The following TAB3 variants were observed in gnomAD, a reference collection of about 807,000 sequenced individuals.
TAB3 encodes the protein TGF-beta activated kinase 1 (MAP3K7) binding protein 3.
TAB3 carries 18 observed loss-of-function variants against 48.1 expected under a neutral mutation model. The ratio of observed to expected loss-of-function variants is 0.37; its 90% CI spans 0.26 to 0.55. The LOEUF (loss-of-function observed/expected upper bound fraction) is 0.55. TAB3 is among the 20% of genes least tolerant of loss of function. The probability of loss-of-function intolerance (pLI) is 0.78; values close to 1 mark genes in which losing one functional copy is unlikely to be tolerated. For synonymous variants in TAB3, 185 were observed against 190.2 expected (o/e 0.97, Z 0.22); for missense variants, 414 against 549.8 (o/e 0.75, Z 2.47).
chrX:30,863,741 C>A (rs1569218381), intron 4 of TAB3, among the ~76,000 whole-genome samples: 4 of 112,208 alleles, frequency 3.6e-5, no homozygotes, highest in African/African-American at 1.3e-4. Flanking sequence ...AATTAAACCT[C>A]TTTTCTTTAT....
chrX:30,852,708 A>T (rs1320760952), intron 7 of TAB3, 70 bp downstream of exon 7: 1 of 1,054,053 alleles, frequency 9.5e-7, no homozygotes, highest in East Asian at 3.1e-5. Context: ...AATAAAGCCT[A>T]AAGAAAAATA....
At chrX:30,848,105 A>G (rs1452383990) in intron 7 of TAB3, among the ~76,000 whole-genome samples, 1 of 112,321 alleles carries the variant, frequency 8.9e-6, no homozygotes, top group Non-Finnish European at 1.9e-5. Context: ...CTGTCGGGAA[A>G]GTCAAGCACC....
chrX:30,831,665 A>C (rs1036948275), intron 10 of TAB3, 90 bp from the exon 11 acceptor site: 2 of 1,017,370 alleles, frequency 2.0e-6, no homozygotes, highest in African/African-American at 3.8e-5. Flanking sequence ...AAAATACCAC[A>C]AAAATCAAGG....
At chrX:30,882,724 C>T (rs780385797) in intron 1 of TAB3, among the ~76,000 whole-genome samples, 2 of 112,012 alleles carry the variant, frequency 1.8e-5, no homozygotes, top group African/African-American at 3.2e-5. Flanking sequence ...GACTTAACAA[C>T]TCAGTGCAAC....
chrX:30,841,710 CTA>C (rs962257552), intron 9 of TAB3, among the ~76,000 whole-genome samples: 3 of 111,731 alleles, frequency 2.7e-5, no homozygotes, highest in Admixed American at 9.5e-5. Context: ...CTCCACTGTT[CTA>C]TGTGTCTTCA....
At chrX:30,878,501 CA>C (rs548109087) in intron 1 of TAB3, among the ~76,000 whole-genome samples, 117 of 51,678 alleles carry the variant, frequency 2.3e-3, no homozygotes, top group African/African-American at 6.2e-3. Context: ...GACTCCATCT[CA>C]AAAAAAAAAA....
intron 4 of TAB3, among the ~76,000 whole-genome samples, chrX:30,863,275 CAAACTT>C (rs1166537101): frequency 8.9e-6 from 1 of 112,413 alleles, no homozygotes; most frequent in Non-Finnish European, 1.9e-5. Context: ...ATAACACTCT[CAAACTT>C]AATTTTTTGA....
intron 9 of TAB3, among the ~76,000 whole-genome samples, chrX:30,837,115 C>T (rs1305005238): frequency 4.3e-5 from 4 of 93,601 alleles, no homozygotes; most frequent in Non-Finnish European, 8.2e-5. Flanking sequence ...GTGGTGCGAT[C>T]TCGGCTCACT....
Position 30,861,849 on chromosome X carries a change from T to A in TAB3, c.-90-2171A>T, listed in dbSNP as rs1176139861. On this transcript the variant is annotated intron_variant, in intron 4 of 10. Coordinates refer to ENST00000288422, the MANE Select transcript of TAB3 (RefSeq NM_152787.5). ...GTCAAAAGTATTGTTTTAAATGTAA[T>A]CTACATAAAATCAGTTATTTTATAT... 2.7e-5 allele frequency among the ~76,000 whole-genome samples: 3 copies of A among 112,566 alleles called. No homozygotes were observed. The East Asian group carries it at 8.3e-4, about 31-fold the overall frequency.
rs1937978814 is a variant in TAB3 at position 30,829,971 on chromosome X, C to G, written c.*1456G>C. The G allele has an allele frequency of 9.1e-6, 1 of 110,453 alleles. No individual in the cohort carries two copies. Among genetic ancestry groups the G allele is most frequent in the Admixed American group, 9.7e-5 (1 of 10,313 alleles). The allele number at this position is 110,453 out of a possible 1,213,427, so 9.1% of individuals were successfully genotyped here. ...TAACTTTATTGCTGTTTATACTCAC[C>G]AAAATGAGGGGAAGATTCCAAAACT... On this transcript the variant is annotated 3_prime_UTR_variant, in exon 11 of 11. Transcript: ENST00000288422.
At position 30,849,817 on chromosome X, in the gene TAB3, C is replaced by T. The variant is rs185293665; in HGVS notation, c.1710+2961G>A. Among the ~76,000 whole-genome samples, 21 of 111,994 alleles carry T rather than the reference C, an allele frequency of 1.9e-4. No homozygotes were observed. The Admixed American group carries it at 2.0e-3, about 11-fold the overall frequency. ...GATTTATTTCTTGATTAATTTCCTA[C>T]ATAAGTATAATCTTATATATGTTCA... On this transcript the variant is annotated intron_variant, in intron 7 of 10. Transcript: ENST00000288422.
intron 8 of TAB3, chrX:30,846,194 G>C (rs1938616832): frequency 3.7e-6 from 2 of 535,710 alleles, no homozygotes; most frequent in South Asian, 4.4e-5. Flanking sequence ...TCTGATTTGG[G>C]ATCCCTTTTT....
Position 30,881,359 on chromosome X carries a change from T to G in TAB3, c.-383+7755A>C, listed in dbSNP as rs142268253. ...TTAAACTTCAGTAAGAGGTTTTTTG[T>G]TTTTTTTTTAAGTGTAAAGGAGTAC... On this transcript the variant is annotated intron_variant, in intron 1 of 10. Coordinates refer to ENST00000288422, the MANE Select transcript of TAB3 (RefSeq NM_152787.5). Among the ~76,000 whole-genome samples, 425 of 106,449 alleles carry G rather than the reference T, an allele frequency of 4.0e-3. 5 individuals carry two copies. Among genetic ancestry groups the G allele is most frequent in the African/African-American group, 0.014 (404 of 29,497 alleles). The allele number at this position is 106,449 out of a possible 115,157, so 92.4% of individuals were successfully genotyped here.
At chrX:30,860,964 ATGTACATG>A (rs1348039325) in intron 4 of TAB3, among the ~76,000 whole-genome samples, 1 of 112,228 alleles carries the variant, frequency 8.9e-6, no homozygotes, top group Admixed American at 9.4e-5. Context: ...AAAAAAATAT[ATGTACATG>A]TGTACATACA....
intron 1 of TAB3, among the ~76,000 whole-genome samples, chrX:30,878,320 G>A (rs540470499): frequency 2.7e-5 from 3 of 109,859 alleles, no homozygotes; most frequent in Middle Eastern, 4.7e-3. Context: ...GTGAAACCCC[G>A]TCTCTACTAA....
rs1339621089 is a variant in TAB3, at chrX:30,828,386, T to A, written c.*3041A>T. The A allele has an allele frequency of 1.8e-5, 2 of 113,664 alleles. No individual in the cohort carries two copies. The highest frequency in any genetic ancestry group is 3.8e-5 in the Non-Finnish European group (2 of 53,294). 9.4% of individuals were successfully genotyped at this position (113,664 alleles called of 1,213,427 possible). ...ACACTTCCCATTTCTTCCAGGGAAA[T>A]AAACAAATTAGCAACACTTTCCCCA... On this transcript the variant is annotated 3_prime_UTR_variant, in exon 11 of 11. Coordinates refer to ENST00000288422, the MANE Select transcript of TAB3 (RefSeq NM_152787.5).
At chrX:30,883,749 C>A (rs1288194988) in intron 1 of TAB3, among the ~76,000 whole-genome samples, 1 of 111,844 alleles carries the variant, frequency 8.9e-6, no homozygotes, top group Admixed American at 9.5e-5. Context: ...CACTGTTACA[C>A]ATAAAAGTTA....
In TAB3 at chrX:30,830,818, A is replaced by G. The variant is rs1196878086; in HGVS notation, c.*609T>C. 1 of 110,637 alleles carries G rather than the reference A, an allele frequency of 9.0e-6. No individual in the cohort carries two copies. The highest frequency in any genetic ancestry group is 3.3e-5 in the African/African-American group (1 of 30,338). The allele number at this position is 110,637 out of a possible 1,213,427, so 9.1% of individuals were successfully genotyped here. On this transcript the variant is annotated 3_prime_UTR_variant, in exon 11 of 11. Transcript: ENST00000288422. Reference sequence around the variant, plus strand: ...ATATGCCTAGTTCCTGACTGCTACAAATCACATTTTAAAACATTTTGTTTG... The same window carrying G: ...ATATGCCTAGTTCCTGACTGCTACAGATCACATTTTAAAACATTTTGTTTG...
chrX:30,862,839 T>C (rs946723229), intron 4 of TAB3, among the ~76,000 whole-genome samples: 2 of 111,900 alleles, frequency 1.8e-5, no homozygotes, highest in African/African-American at 6.5e-5. Context: ...GTGCCTTTCT[T>C]TGACTGGCTA....
Sources: gnomAD v4.1 joint callset for allele counts (sites outside exome capture counted in the v4.1 genomes callset) on GRCh38, gnomAD v4.1.1 for gene constraint, MANE v1.5 for transcripts, NCBI Gene and HGNC (gene_info 2026-07-23, HGNC 2026-07-21) for gene names.